The following SLC36A1 variants were observed in gnomAD, a reference collection of about 807,000 sequenced individuals.
SLC36A1 encodes proton-coupled amino acid transporter 1.
A neutral mutation model predicts 47.5 loss-of-function variants in SLC36A1; 30 were observed. The ratio of observed to expected loss-of-function variants is 0.63; its 90% CI spans 0.47 to 0.86. The LOEUF (loss-of-function observed/expected upper bound fraction) is 0.86, where lower values mean the gene tolerates loss of function less well. SLC36A1 is among the 40% of genes least tolerant of loss of function. The pLI, the probability that SLC36A1 is intolerant of heterozygous loss-of-function variation, is 0.00. For missense variants in SLC36A1, 517 were observed against 606.0 expected, an observed-to-expected ratio of 0.85 and a Z score of 1.54; for synonymous variants, 255 against 249.7, an observed-to-expected ratio of 1.02 and a Z score of -0.20.
chr5:151,352,223 T>C, the SLC36A1 span, among the ~76,000 whole-genome samples: 1 of 152,216 alleles, frequency 6.6e-6, no homozygotes, highest in Non-Finnish European at 1.5e-5. Context: ...GTCATACCCC[T>C]GCTTTTTTTC....
chr5:151,371,960 T>A, the SLC36A1 span, among the ~76,000 whole-genome samples: 1 of 152,172 alleles, frequency 6.6e-6, no homozygotes, highest in African/African-American at 2.4e-5. Flanking sequence ...GGAACTGGCC[T>A]CCTTTTAATA....
At chr5:151,486,623 T>C (rs1159730507) in intron 10 of SLC36A1, among the ~76,000 whole-genome samples, 1 of 152,212 alleles carries the variant, frequency 6.6e-6, no homozygotes, top group African/African-American at 2.4e-5. Context: ...GTGTGGTGCC[T>C]TCCTTAGAGT....
the SLC36A1 span, among the ~76,000 whole-genome samples, chr5:151,363,617 G>A: frequency 9.2e-5 from 14 of 152,014 alleles, no homozygotes; most frequent in South Asian, 2.1e-4. Context: ...TAGTCCTTAC[G>A]CTGGATTTAT....
chr5:151,477,916 G>GT (rs1161679872), intron 9 of SLC36A1, among the ~76,000 whole-genome samples: 2 of 152,146 alleles, frequency 1.3e-5, no homozygotes, highest in Non-Finnish European at 2.9e-5. Context: ...CCCAGCTGCT[G>GT]TAACTCTTCT....
At chr5:151,538,102 G>A in the SLC36A1 span, among the ~76,000 whole-genome samples, 17 of 152,120 alleles carry the variant, frequency 1.1e-4, no homozygotes, top group Non-Finnish European at 2.1e-4. Context: ...GACAGAGAGA[G>A]AGAAAGAGAA....
In SLC36A1 at chr5:151,467,767, A is replaced by C. The variant is rs1756657860; in HGVS notation, c.565A>C (p.Thr189Pro). Residue 189 changes from threonine (T) to proline (P), a missense_variant, in exon 7 of 11, where the codon ACG (threonine) becomes CCG (proline). Coordinates refer to ENST00000243389, the MANE Select transcript of SLC36A1 (RefSeq NM_078483.4). ...CCACAACAATGAGACGGTGATTCTGACGCCTACCATGGACTCGCGACTCTA... is the reference window on the plus strand; with the variant it reads ...CCACAACAATGAGACGGTGATTCTGCCGCCTACCATGGACTCGCGACTCTA... ...NCHNNETVIL[T>P]PTMDSRLYML... 6.2e-7 allele frequency: 1 copy of C among 1,613,674 alleles called. No individual in the cohort carries two copies. The highest frequency in any genetic ancestry group is 1.3e-5 in the African/African-American group (1 of 74,764).
chr5:151,482,835 A>C (rs1317860078), intron 10 of SLC36A1, among the ~76,000 whole-genome samples: 2 of 152,130 alleles, frequency 1.3e-5, no homozygotes, highest in Non-Finnish European at 2.9e-5. Context: ...ATTTATAGAC[A>C]TTTAAAAGTA....
At chr5:151,466,560 C>G (rs1756411189) in intron 5 of SLC36A1, among the ~76,000 whole-genome samples, 1 of 152,204 alleles carries the variant, frequency 6.6e-6, no homozygotes, top group African/African-American at 2.4e-5. Flanking sequence ...TAGGTTGTTA[C>G]CAGCTGCTAT....
chr5:151,429,222 T>C, the SLC36A1 span, among the ~76,000 whole-genome samples: 2 of 152,086 alleles, frequency 1.3e-5, no homozygotes, highest in Non-Finnish European at 2.9e-5. Flanking sequence ...TTTTTATTAT[T>C]ATACTTTAAG....
intron 10 of SLC36A1, among the ~76,000 whole-genome samples, chr5:151,480,928 T>A (rs1464320862): frequency 6.6e-6 from 1 of 152,214 alleles, no homozygotes; most frequent in Non-Finnish European, 1.5e-5. Flanking sequence ...GTAGGTAAAA[T>A]GTGCCTTCCT....
the SLC36A1 span, among the ~76,000 whole-genome samples, chr5:151,408,295 T>G: frequency 1.4e-4 from 21 of 152,252 alleles, no homozygotes; most frequent in East Asian, 3.9e-3. Flanking sequence ...TTCAAGTGAT[T>G]CTCCTGCCTC....
intron 2 of SLC36A1, among the ~76,000 whole-genome samples, chr5:151,459,299 T>C (rs1010516389): frequency 1.3e-5 from 2 of 152,192 alleles, no homozygotes; most frequent in African/African-American, 4.8e-5. Context: ...TCCCCCCGAA[T>C]TCTGCCCCAT....
chr5:151,404,379 G>A, the SLC36A1 span, among the ~76,000 whole-genome samples: 1 of 152,098 alleles, frequency 6.6e-6, no homozygotes, highest in African/African-American at 2.4e-5. Context: ...TTCCCACTTT[G>A]TGCCTTTTAA....
the SLC36A1 span, among the ~76,000 whole-genome samples, chr5:151,537,321 GA>G: frequency 5.0e-3 from 112 of 22,538 alleles, no homozygotes; most frequent in Admixed American, 0.014. Flanking sequence ...AAAAGAAAGA[GA>G]AAAAAAGAAA....
the SLC36A1 span, among the ~76,000 whole-genome samples, chr5:151,421,592 TTG>T: frequency 8.5e-5 from 12 of 140,942 alleles, no homozygotes; most frequent in African/African-American, 3.4e-4. Flanking sequence ...TTTTTTTTTT[TTG>T]TTGTTGTTGT....
Position 151,476,743 on chromosome 5 carries a change from C to T in SLC36A1, c.976C>T (p.Leu326=). The T allele has an allele frequency of 6.2e-7, 1 of 1,610,874 alleles. No individual in the cohort carries two copies. Among genetic ancestry groups the T allele is most frequent in the Non-Finnish European group, 8.5e-7 (1 of 1,178,288 alleles). The change falls in exon 9 of 11, where the codon CTG becomes TTG. Residue 326 remains leucine (L), a synonymous_variant. Transcript: ENST00000243389. The part of the protein sequence containing the change: ...ANIQGSITLN[L]PNCWLYQSVK... The stretch of plus-strand genomic sequence containing the variant: ...TATCCAAGGCAGCATAACCCTCAAC[C>T]TGCCCAACTGCTGGTACGTGGAGGG...
the SLC36A1 span, among the ~76,000 whole-genome samples, chr5:151,409,582 A>G: frequency 5.6e-4 from 86 of 152,322 alleles, no homozygotes; most frequent in African/African-American, 1.9e-3. Flanking sequence ...AATGTGGGCT[A>G]TGAACCAGCA....
At chr5:151,352,398 A>T in the SLC36A1 span, among the ~76,000 whole-genome samples, 1 of 152,176 alleles carries the variant, frequency 6.6e-6, no homozygotes, top group Non-Finnish European at 1.5e-5. Flanking sequence ...ATATTCAATG[A>T]ATGAATGTGT....
chr5:151,462,271 C>T (rs1755632124), intron 2 of SLC36A1, among the ~76,000 whole-genome samples: 1 of 152,026 alleles, frequency 6.6e-6, no homozygotes, highest in Non-Finnish European at 1.5e-5. Context: ...AAGATGTTAA[C>T]ATTTGGAAGA....
Sources: gnomAD v4.1 joint callset for allele counts (sites outside exome capture counted in the v4.1 genomes callset) on GRCh38, gnomAD v4.1.1 for gene constraint, MANE v1.5 for transcripts, NCBI Gene and HGNC (gene_info 2026-07-23, HGNC 2026-07-21) for gene names.